The following RGS6 variants were observed in gnomAD, a reference collection of about 807,000 sequenced individuals.
RGS6 encodes regulator of G protein signaling 6.
RGS6 carries 30 observed loss-of-function variants against 78.5 expected under a neutral mutation model. The observed-to-expected ratio is 0.38, with a 90% CI of 0.29 to 0.52. The LOEUF is 0.52. Ranked by LOEUF, RGS6 falls within the 20% of genes least tolerant of loss-of-function variation. RGS6 has a pLI of 0.85. For synonymous variants in RGS6, 206 were observed against 206.0 expected, an observed-to-expected ratio of 1.00 and a Z score of 0.00; for missense variants, 495 against 609.7, an observed-to-expected ratio of 0.81 and a Z score of 1.98.
At chr14:72,540,713 G>C in intron 17 of RGS6, 1 of 1,343,180 alleles carries the variant, frequency 7.4e-7, no homozygotes, top group Non-Finnish European at 9.8e-7. Context: ...GATAGGGAGA[G>C]GAGGGAAGTA....
At chr14:72,107,673 T>A (rs1216497435) in intron 2 of RGS6, among the ~76,000 whole-genome samples, 13 of 152,176 alleles carry the variant, frequency 8.5e-5, no homozygotes, top group Admixed American at 8.5e-4. Context: ...ATATTTAAAG[T>A]TAAAATACCT....
intron 2 of RGS6, among the ~76,000 whole-genome samples, chr14:72,105,096 C>A (rs76635637): frequency 2.0e-5 from 3 of 152,082 alleles, no homozygotes; most frequent in Middle Eastern, 3.2e-3. Context: ...ATCCAGACAC[C>A]AAGCATGAAG....
At chr14:72,347,176 G>A (rs2152712456) in intron 2 of RGS6, among the ~76,000 whole-genome samples, 1 of 152,206 alleles carries the variant, frequency 6.6e-6, no homozygotes, top group East Asian at 1.9e-4. Context: ...AAGGATGTCA[G>A]GGAATTGATT....
chr14:72,489,666 C>T (rs539567200), intron 12 of RGS6, among the ~76,000 whole-genome samples: 50 of 152,110 alleles, frequency 3.3e-4, no homozygotes, highest in African/African-American at 1.2e-3. Context: ...GATGCAGCCA[C>T]AAGCCAAGGC....
chr14:72,165,318 G>C (rs2096909846), intron 2 of RGS6, among the ~76,000 whole-genome samples: 1 of 152,332 alleles, frequency 6.6e-6, no homozygotes, highest in East Asian at 1.9e-4. Context: ...ATTTGCTTGT[G>C]GGGAACAGAA....
chr14:72,313,957 C>T (rs964942593), intron 2 of RGS6, among the ~76,000 whole-genome samples: 2 of 152,180 alleles, frequency 1.3e-5, no homozygotes, highest in African/African-American at 4.8e-5. Context: ...ATCAACCAAC[C>T]AAACCTTTTC....
chr14:72,530,615 C>T (rs1352113017), intron 15 of RGS6, among the ~76,000 whole-genome samples: 3 of 152,146 alleles, frequency 2.0e-5, no homozygotes, highest in South Asian at 2.1e-4. Flanking sequence ...TGCTTGAACC[C>T]GTGAGGTGGA....
chr14:72,281,179 C>T (rs7143754), intron 2 of RGS6, among the ~76,000 whole-genome samples: 7,249 of 137,310 alleles, frequency 0.053, 572 homozygotes, highest in African/African-American at 0.18. Context: ...GACATAGTCT[C>T]GCTCTGTCAT....
chr14:72,209,296 TA>T (rs1279603366), intron 2 of RGS6, among the ~76,000 whole-genome samples: 2 of 152,182 alleles, frequency 1.3e-5, no homozygotes, highest in African/African-American at 4.8e-5. Context: ...GAAAGGCAGA[TA>T]AAAAGTATAC....
At chr14:71,912,525 A>G in the RGS6 span, among the ~76,000 whole-genome samples, 1 of 152,206 alleles carries the variant, frequency 6.6e-6, no homozygotes, top group Admixed American at 6.5e-5. Context: ...AGAAGGAGGA[A>G]GGGAGCTGGG....
chr14:72,422,748 T>C (rs562312087), intron 3 of RGS6, among the ~76,000 whole-genome samples: 159 of 152,298 alleles, frequency 1.0e-3, no homozygotes, highest in African/African-American at 3.5e-3. Context: ...TTTGCCATTC[T>C]GAGGGCAGAG....
At chr14:72,032,500 T>G (rs1446033561) in intron 2 of RGS6, among the ~76,000 whole-genome samples, 2 of 152,212 alleles carry the variant, frequency 1.3e-5, no homozygotes, top group Non-Finnish European at 2.9e-5. Context: ...AGTAACCATT[T>G]TTTAAGTGTA....
intron 17 of RGS6, among the ~76,000 whole-genome samples, chr14:72,554,752 G>A (rs947066521): frequency 1.3e-5 from 2 of 152,236 alleles, no homozygotes; most frequent in Non-Finnish European, 2.9e-5. Flanking sequence ...AGGGAGAGAA[G>A]AGAGAGCTGG....
At chr14:72,425,436 G>A (rs2094394845) in intron 3 of RGS6, among the ~76,000 whole-genome samples, 1 of 152,152 alleles carries the variant, frequency 6.6e-6, no homozygotes, top group Non-Finnish European at 1.5e-5. Context: ...ACCGCAGCCG[G>A]CCAGAAGGGG....
chr14:72,256,993 G>C (rs1443602676), intron 2 of RGS6, among the ~76,000 whole-genome samples: 1 of 152,232 alleles, frequency 6.6e-6, no homozygotes, highest in African/African-American at 2.4e-5. Context: ...GTAGACACCT[G>C]CAAGAGGAGT....
At chr14:72,496,004 T>C (rs1401262833) in intron 13 of RGS6, among the ~76,000 whole-genome samples, 1 of 106,108 alleles carries the variant, frequency 9.4e-6, no homozygotes, top group Non-Finnish European at 1.8e-5. Flanking sequence ...AATTTTTATT[T>C]CCCTTTTCAT....
At chr14:72,436,049 G>GA (rs1359788514) in intron 3 of RGS6, among the ~76,000 whole-genome samples, 1 of 152,104 alleles carries the variant, frequency 6.6e-6, no homozygotes, top group East Asian at 1.9e-4. Context: ...AACTGGGAAG[G>GA]ACCCTCTTTG....
intron 2 of RGS6, among the ~76,000 whole-genome samples, chr14:71,989,420 A>G (rs760824128): frequency 2.0e-5 from 3 of 152,194 alleles, no homozygotes; most frequent in Admixed American, 6.5e-5. Context: ...TACTCTAATC[A>G]CTGAGTTATG....
chr14:72,123,544 G>A lies in RGS6; in HGVS notation c.84+158669G>A, dbSNP rs373170515. ...GCATGGTCATGCATGACATGTGACC[G>A]TAATGAAAGTGTGACTAGCACATTG... is the stretch of plus-strand genomic sequence containing the variant. On this transcript the variant is annotated intron_variant, in intron 2 of 17. Transcript: ENST00000553525. Among the ~76,000 whole-genome samples, 237 of 152,294 alleles carry A rather than the reference G, an allele frequency of 1.6e-3. 1 individual carries two copies. The highest frequency in any genetic ancestry group is 5.5e-3 in the African/African-American group (230 of 41,562).
Sources: allele counts gnomAD v4.1 joint callset (sites outside exome capture counted in the v4.1 genomes callset), GRCh38; gene constraint gnomAD v4.1.1; transcripts MANE v1.5; gene names NCBI Gene and HGNC (gene_info 2026-07-23, HGNC 2026-07-21).